The following SEPTIN9 variants were observed in gnomAD, a reference collection of about 807,000 sequenced individuals.
SEPTIN9 encodes septin-9.
Under a neutral mutation model 56.6 loss-of-function variants are expected in SEPTIN9, and 13 were observed. The ratio of observed to expected loss-of-function variants is 0.23; its 90% confidence interval spans 0.15 to 0.37. The LOEUF is 0.37. Among genes scored for constraint, SEPTIN9 ranks in the 10% least tolerant of loss-of-function variants. The probability of loss-of-function intolerance (pLI) is 1.00; values close to 1 mark genes in which losing one functional copy is unlikely to be tolerated. For synonymous variants in SEPTIN9, 332 were observed against 334.1 expected, an observed-to-expected ratio of 0.99 and a Z score of 0.07; for missense variants, 650 against 823.1, an observed-to-expected ratio of 0.79 and a Z score of 2.57.
Position 77,421,317 on chromosome 17 carries a change from T to C in SEPTIN9, c.721+18614T>C, listed in dbSNP as rs1226385821. On this transcript the variant is annotated intron_variant, in intron 3 of 11. Coordinates refer to ENST00000427177, the MANE Select transcript of SEPTIN9 (RefSeq NM_001113491.2). This position sits in a 1 kb window ranked among gnomAD's most constrained non-coding sequence, Gnocchi z 4.6. ...CGTCTGTGGGGTGAGCAGGAACAGA[T>C]TGGAACCGCATTTCTCTCCCCCCAG... Among the ~76,000 whole-genome samples, 1 of 152,156 alleles carries C rather than the reference T, an allele frequency of 6.6e-6. No homozygotes were observed. The highest frequency in any genetic ancestry group is 1.5e-5 in the Non-Finnish European group (1 of 68,020).
At chr17:77,452,576 C>T (rs937064349) in intron 3 of SEPTIN9, among the ~76,000 whole-genome samples, 1 of 152,150 alleles carries the variant, frequency 6.6e-6, no homozygotes, top group Non-Finnish European at 1.5e-5. Context: ...GCAGGTTGAG[C>T]AGTGGTTTTC....
intron 2 of SEPTIN9, among the ~76,000 whole-genome samples, chr17:77,344,907 G>T (rs920590205): frequency 6.8e-6 from 1 of 148,014 alleles, no homozygotes; most frequent in African/African-American, 2.5e-5. Flanking sequence ...GGGAGGTGGA[G>T]GTTGCAGTGA....
Position 77,326,797 on chromosome 17 carries a change from G to C in SEPTIN9, c.76+19600G>C, listed in dbSNP as rs1019140681. ...ACCACCCCGCAACCTCCAGGTAGGG[G>C]AGAGGGGCTGAAGGTTAAGCAGATC... On this transcript the variant is annotated intron_variant, in intron 2 of 11. Coordinates refer to ENST00000427177, the MANE Select transcript of SEPTIN9 (RefSeq NM_001113491.2). This position sits in a 1 kb window ranked among gnomAD's most constrained non-coding sequence, Gnocchi z 5.1. 6.6e-6 allele frequency among the ~76,000 whole-genome samples: 1 copy of C among 152,150 alleles called. No homozygotes were observed. Among genetic ancestry groups the C allele is most frequent in the African/African-American group, 2.4e-5 (1 of 41,418 alleles).
At position 77,434,223 on chromosome 17, in the gene SEPTIN9, G is replaced by A. The variant is rs184521122; in HGVS notation, c.721+31520G>A. On this transcript the variant is annotated intron_variant, in intron 3 of 11. Transcript: ENST00000427177. The surrounding 1 kb of genome is among the most constrained non-coding windows in gnomAD (Gnocchi z 5.0). ...GCGGAAAGTGCCCTAGGATACGGTG[G>A]CAGGACTGGCTGGGGTTCTGGCTCC... Among the ~76,000 whole-genome samples, 2 of 152,252 alleles carry A rather than the reference G, an allele frequency of 1.3e-5. No individual in the cohort carries two copies. Among genetic ancestry groups the A allele is most frequent in the East Asian group, 3.9e-4 (2 of 5,184 alleles).
At chr17:77,419,527 T>C (rs975948754) in intron 3 of SEPTIN9, among the ~76,000 whole-genome samples, 38 of 152,186 alleles carry the variant, frequency 2.5e-4, no homozygotes, top group African/African-American at 8.9e-4. Context: ...GCGACCCAGC[T>C]GACCCCTCCC....
In SEPTIN9 at chr17:77,327,922, G is replaced by A. The variant is rs529246339; in HGVS notation, c.76+20725G>A. On this transcript the variant is annotated intron_variant, in intron 2 of 11. Transcript: ENST00000427177. This position sits in a 1 kb window ranked among gnomAD's most constrained non-coding sequence, Gnocchi z 5.0. ...GTTTCAGGTGGCAGGAGGCGTCCCCGTGCCTAGGGCATCCCGATGCTCAGA... is the reference window on the plus strand; with the variant it reads ...GTTTCAGGTGGCAGGAGGCGTCCCCATGCCTAGGGCATCCCGATGCTCAGA... Among the ~76,000 whole-genome samples the A allele has an allele frequency of 4.9e-4, 74 of 152,200 alleles. No homozygotes were observed. The highest frequency in any genetic ancestry group is 1.7e-3 in the African/African-American group (69 of 41,518).
chr17:77,374,130 C>T, intron 2 of SEPTIN9: 1 of 152,940 alleles, frequency 6.5e-6, no homozygotes, highest in Non-Finnish European at 1.5e-5. Context: ...CGAACGGACA[C>T]AGCCCAGGTC....
In SEPTIN9 at chr17:77,327,889, G is replaced by A. The variant is rs191886770; in HGVS notation, c.76+20692G>A. On this transcript the variant is annotated intron_variant, in intron 2 of 11. Transcript: ENST00000427177. The surrounding 1 kb of genome is among the most constrained non-coding windows in gnomAD (Gnocchi z 5.0). ...TGCTGGAACAGACGGGTGTGATGGG[G>A]CTGCGGGGTTTCAGGTGGCAGGAGG... is the stretch of plus-strand genomic sequence containing the variant. Among the ~76,000 whole-genome samples, 3 of 152,362 alleles carry A rather than the reference G, an allele frequency of 2.0e-5. No homozygotes were observed. The highest frequency in any genetic ancestry group is 7.2e-5 in the African/African-American group (3 of 41,584).
intron 2 of SEPTIN9, among the ~76,000 whole-genome samples, chr17:77,338,733 T>C (rs2033635276): frequency 6.6e-6 from 1 of 152,216 alleles, no homozygotes; most frequent in Non-Finnish European, 1.5e-5. Context: ...GTTTCTTAAC[T>C]GAAGTTTTTG....
intron 11 of SEPTIN9, among the ~76,000 whole-genome samples, chr17:77,498,254 ACCC>A (rs1268488325): frequency 1.3e-5 from 2 of 151,892 alleles, no homozygotes; most frequent in Non-Finnish European, 2.9e-5. Context: ...CATAGGGTGG[ACCC>A]AGAGGGAGAC....
In SEPTIN9 at chr17:77,429,143, TG is replaced by T. The variant is rs757998034; in HGVS notation, c.721+26445del. ...AGGCCAAGCTCCTGGGGTGGGGACTTGGGGGTGTGTCTGCAGCTCCTGAGGC... is the reference window on the plus strand; with the variant it reads ...AGGCCAAGCTCCTGGGGTGGGGACTTGGGGTGTGTCTGCAGCTCCTGAGGC... On this transcript the variant is annotated intron_variant, in intron 3 of 11. Transcript: ENST00000427177. The surrounding 1 kb of genome is among the most constrained non-coding windows in gnomAD (Gnocchi z 5.2). 1.1e-5 allele frequency: 5 copies of T among 471,548 alleles called. No individual in the cohort carries two copies. Among genetic ancestry groups the T allele is most frequent in the South Asian group, 7.7e-5 (5 of 64,584 alleles). 29.2% of individuals were successfully genotyped at this position (471,548 alleles called of 1,614,324 possible).
chr17:77,285,151 C>T (rs1297434654), intron 1 of SEPTIN9, among the ~76,000 whole-genome samples: 1 of 152,140 alleles, frequency 6.6e-6, no homozygotes, highest in Non-Finnish European at 1.5e-5. Context: ...TGCAGGGTCT[C>T]TCCCCCAGCC....
Position 77,421,191 on chromosome 17 carries a change from T to C in SEPTIN9, c.721+18488T>C, listed in dbSNP as rs2036689179. Among the ~76,000 whole-genome samples, 1 of 152,194 alleles carries C rather than the reference T, an allele frequency of 6.6e-6. No homozygotes were observed. Among genetic ancestry groups the C allele is most frequent in the African/African-American group, 2.4e-5 (1 of 41,444 alleles). On this transcript the variant is annotated intron_variant, in intron 3 of 11. Transcript: ENST00000427177. The surrounding 1 kb of genome is among the most constrained non-coding windows in gnomAD (Gnocchi z 4.6). ...CGAGACCTTCCAGCTCTTTCCTGTG[T>C]AAGGCGCCATGGGGTGAAATGAAAG...
intron 10 of SEPTIN9, chr17:77,497,109 G>A: frequency 1.6e-6 from 1 of 640,752 alleles, no homozygotes; most frequent in Non-Finnish European, 2.8e-6. Context: ...AGCTGGTGCT[G>A]GTCACTCCAG....
chr17:77,458,396 A>T (rs1304312224), intron 3 of SEPTIN9, among the ~76,000 whole-genome samples: 2 of 152,024 alleles, frequency 1.3e-5, no homozygotes, highest in African/African-American at 4.8e-5. Flanking sequence ...CTCAGTGGAG[A>T]CTCACTGGCT....
chr17:77,320,388 G>GC (rs987086303), intron 2 of SEPTIN9: 7 of 1,564,132 alleles, frequency 4.5e-6, no homozygotes, highest in Non-Finnish European at 6.2e-6. Context: ...GCCCCCCACT[G>GC]CCCTGGACTC....
In SEPTIN9 at chr17:77,313,352, C is replaced by T. The variant is rs943735879; in HGVS notation, c.76+6155C>T. Among the ~76,000 whole-genome samples the T allele has an allele frequency of 3.9e-5, 6 of 152,242 alleles. No individual in the cohort carries two copies. Among genetic ancestry groups the T allele is most frequent in the African/African-American group, 9.6e-5 (4 of 41,470 alleles). On this transcript the variant is annotated intron_variant, in intron 2 of 11. Coordinates refer to ENST00000427177, the MANE Select transcript of SEPTIN9 (RefSeq NM_001113491.2). This position sits in a 1 kb window ranked among gnomAD's most constrained non-coding sequence, Gnocchi z 4.5. ...TCCCCGTTGTCTTGGTTTCCTTCCA[C>T]GCTGACCTGGAAGGACTCCTAAAGC...
At chr17:77,497,845 G>A (rs948528847) in intron 11 of SEPTIN9, among the ~76,000 whole-genome samples, 4 of 151,672 alleles carry the variant, frequency 2.6e-5, no homozygotes, top group Non-Finnish European at 5.9e-5. Context: ...TGGAGTGTGG[G>A]CCCTGGCCTG....
chr17:77,467,858 T>C (rs1485149560), intron 3 of SEPTIN9, among the ~76,000 whole-genome samples: 1 of 152,210 alleles, frequency 6.6e-6, no homozygotes, highest in African/African-American at 2.4e-5. Context: ...CATTCATTCA[T>C]TTATTCATTC....
Sources: gnomAD v4.1 joint callset for allele counts (sites outside exome capture counted in the v4.1 genomes callset) on GRCh38, gnomAD v4.1.1 for gene constraint, Gnocchi (gnomAD v3.1) non-coding constraint, MANE v1.5 for transcripts, NCBI Gene and HGNC (gene_info 2026-07-23, HGNC 2026-07-21) for gene names.